Variants in ANKHD1 observed in about 807,000 individuals in gnomAD.
The protein encoded by ANKHD1 is ankyrin repeat and KH domain-containing protein 1.
In ANKHD1, 31 loss-of-function variants were observed where a neutral mutation model predicts 230.5. The observed-to-expected ratio is 0.13, with a 90% CI of 0.10 to 0.18. The LOEUF is 0.18. Among genes scored for constraint, ANKHD1 ranks in the 10% least tolerant of loss-of-function variants. The pLI is 1.00. For missense variants in ANKHD1, 2,256 were observed against 3,071.3 expected (o/e 0.73, Z 6.27); for synonymous variants, 1,074 against 1,117.6 (o/e 0.96, Z 0.78).
At chr5:140,533,745 TA>T (rs1753942815) in intron 29 of ANKHD1, among the ~76,000 whole-genome samples, 1 of 124,662 alleles carries the variant, frequency 8.0e-6, no homozygotes, top group Admixed American at 1.1e-4. Context: ...TGCTGCACTC[TA>T]GCCTGAGTGA....
intron 29 of ANKHD1, among the ~76,000 whole-genome samples, chr5:140,533,130 A>C (rs1030374995): frequency 1.3e-5 from 2 of 151,862 alleles, no homozygotes; most frequent in Admixed American, 1.3e-4. Flanking sequence ...ATCTTTACAA[A>C]AGACTGACAG....
intron 10 of ANKHD1, chr5:140,472,217 GTTC>G (rs1776542232): frequency 1.2e-6 from 2 of 1,609,254 alleles, no homozygotes. Flanking sequence ...AGATCCGTGA[GTTC>G]TTCTTTTTCC....
chr5:140,530,794 A>C (rs755463475), intron 29 of ANKHD1, among the ~76,000 whole-genome samples: 2 of 152,222 alleles, frequency 1.3e-5, no homozygotes, highest in Non-Finnish European at 2.9e-5. Flanking sequence ...GCCTCTTAGC[A>C]TTTCTCTTCC....
At chr5:140,430,761 C>T (rs746250302) in intron 1 of ANKHD1, among the ~76,000 whole-genome samples, 3 of 150,984 alleles carry the variant, frequency 2.0e-5, no homozygotes, top group Admixed American at 1.3e-4. Context: ...TGGGCTCAGG[C>T]GATCCTCCCA....
chr5:140,528,393 C>G lies in ANKHD1; in HGVS notation c.5447C>G (p.Thr1816Ser). The G allele has an allele frequency of 1.2e-6, 2 of 1,614,148 alleles. No homozygotes were observed. The change falls in exon 29 of 34, where the codon ACT becomes AGT. Residue 1816 changes from threonine (T) to serine (S), a missense_variant. Transcript: ENST00000360839. ...CCTTTGGGTGCTCCAACTCTTGTAA[C>G]TTCACAGGCAACAACGTTATCTACG... ...AFPLGAPTLV[T>S]SQATTLSTFQ...
At chr5:140,405,086 T>C (rs1323215399) in intron 1 of ANKHD1, among the ~76,000 whole-genome samples, 1 of 152,040 alleles carries the variant, frequency 6.6e-6, no homozygotes, top group Non-Finnish European at 1.5e-5. Context: ...CTTTTGTATT[T>C]TTGAAGCTTA....
At chr5:140,424,568 A>C (rs1581224745) in intron 1 of ANKHD1, among the ~76,000 whole-genome samples, 1 of 152,250 alleles carries the variant, frequency 6.6e-6, no homozygotes, top group African/African-American at 2.4e-5. Context: ...TTGGAAAGAT[A>C]GTCAAAGCCA....
chr5:140,491,441 A>G (rs1406572514), intron 14 of ANKHD1, among the ~76,000 whole-genome samples: 2 of 152,004 alleles, frequency 1.3e-5, no homozygotes, highest in African/African-American at 4.8e-5. Flanking sequence ...CTAGGATTAC[A>G]GGTGTGAGTC....
At chr5:140,402,411 C>T in intron 1 of ANKHD1, 138 bp downstream of exon 1, 3 of 1,228,308 alleles carry the variant, frequency 2.4e-6, no homozygotes, top group South Asian at 1.8e-5. Flanking sequence ...CGGCGGTGGC[C>T]GCGGTGAGGG....
chr5:140,525,931 T>C, intron 25 of ANKHD1, 65 bp from the exon 26 acceptor site: 1 of 1,492,920 alleles, frequency 6.7e-7, no homozygotes, highest in Non-Finnish European at 8.9e-7. Context: ...ATCAAATATA[T>C]TCTGTCAGAA....
intron 15 of ANKHD1, among the ~76,000 whole-genome samples, chr5:140,500,509 G>A (rs753120571): frequency 3.1e-4 from 47 of 151,946 alleles, no homozygotes; most frequent in Admixed American, 8.5e-4. Context: ...TTAGCCAGGC[G>A]TGGTGGTGCA....
Position 140,485,532 on chromosome 5 carries a change from T to C in ANKHD1, c.1999-57T>C. On this transcript the variant is annotated intron_variant, in intron 12 of 33. Transcript: ENST00000360839. The surrounding 1 kb of genome is among the most constrained non-coding windows in gnomAD (Gnocchi z 4.8). ...AATACTGTTTAAATGAGTTTTGATT[T>C]TATATGAGCTGCTAAGAAACTATAA... 6.3e-7 allele frequency: 1 copy of C among 1,597,812 alleles called. No individual in the cohort carries two copies.
At chr5:140,537,897 A>T (rs1754151700) in intron 31 of ANKHD1, among the ~76,000 whole-genome samples, 189 bp from the exon 32 acceptor site, 1 of 152,160 alleles carries the variant, frequency 6.6e-6, no homozygotes, top group South Asian at 2.1e-4. Flanking sequence ...AAAGTGGAGT[A>T]TTCAGAGGAC....
intron 7 of ANKHD1, among the ~76,000 whole-genome samples, chr5:140,455,449 A>G (rs990614282): frequency 2.0e-5 from 3 of 151,934 alleles, no homozygotes; most frequent in Non-Finnish European, 2.9e-5. Flanking sequence ...GATGAACATC[A>G]ATGCAAAAAT....
At chr5:140,402,576 G>A (rs1770044128) in intron 1 of ANKHD1, among the ~76,000 whole-genome samples, 1 of 152,164 alleles carries the variant, frequency 6.6e-6, no homozygotes, top group South Asian at 2.1e-4. Flanking sequence ...GGAGTTGGGG[G>A]TGGGGGGCGG....
At chr5:140,478,506 A>G (rs1043670827) in intron 10 of ANKHD1, among the ~76,000 whole-genome samples, 2 of 152,138 alleles carry the variant, frequency 1.3e-5, no homozygotes, top group Non-Finnish European at 2.9e-5. Flanking sequence ...TGCTAGAAAT[A>G]TATAAATTAT....
chr5:140,442,190 C>T (rs1259252428), intron 5 of ANKHD1, among the ~76,000 whole-genome samples: 5 of 151,784 alleles, frequency 3.3e-5, no homozygotes, highest in Non-Finnish European at 5.9e-5. Context: ...CAGGCGAGTA[C>T]CACCACTCCC....
chr5:140,427,636 C>T (rs1459885469), intron 1 of ANKHD1, among the ~76,000 whole-genome samples: 1 of 144,312 alleles, frequency 6.9e-6, no homozygotes, highest in Non-Finnish European at 1.5e-5. Context: ...GGCGGCTGGC[C>T]GGGCGGGGGG....
chr5:140,491,866 T>G (rs148973096), intron 14 of ANKHD1, among the ~76,000 whole-genome samples: 2 of 152,180 alleles, frequency 1.3e-5, no homozygotes, highest in Non-Finnish European at 2.9e-5. Flanking sequence ...TTGAATAAAT[T>G]AATGAGTGCA....
Sources: gnomAD v4.1 joint callset for allele counts (sites outside exome capture counted in the v4.1 genomes callset) on GRCh38, gnomAD v4.1.1 for gene constraint, Gnocchi (gnomAD v3.1) non-coding constraint, MANE v1.5 for transcripts, NCBI Gene and HGNC (gene_info 2026-07-23, HGNC 2026-07-21) for gene names.